CFAP46: variants seen among roughly 807,000 people sequenced by gnomAD.
The protein encoded by CFAP46 is cilia- and flagella-associated protein 46.
CFAP46 carries 245 observed loss-of-function variants against 325.7 expected under a neutral mutation model. The observed-to-expected ratio is 0.75, with a 90% confidence interval of 0.68 to 0.84. The LOEUF is 0.84. CFAP46 is among the 40% of genes least tolerant of loss of function. The pLI, the probability that CFAP46 is intolerant of heterozygous loss-of-function variation, is 0.00. For synonymous variants in CFAP46, 1,523 were observed against 1,495.9 expected, an observed-to-expected ratio of 1.02 and a Z score of -0.42; for missense variants, 3,346 against 3,543.0, an observed-to-expected ratio of 0.94 and a Z score of 1.41.
chr10:132,823,059 AGTGCTGATGT>A (rs1847916308), intron 50 of CFAP46, among the ~76,000 whole-genome samples: 2 of 65,220 alleles, frequency 3.1e-5, no homozygotes, highest in African/African-American at 1.3e-4. Context: ...GTGTGCTGTG[AGTGCTGATGT>A]GTGCTGTGTG....
rs115412018 is a variant in CFAP46 at position 132,906,080 on chromosome 10, T to C, written c.2924+2388A>G. Among the ~76,000 whole-genome samples, 553 of 152,304 alleles carry C rather than the reference T, an allele frequency of 3.6e-3. 7 individuals carry two copies. The highest frequency in any genetic ancestry group is 0.013 in the African/African-American group (536 of 41,566). On this transcript the variant is annotated intron_variant, in intron 22 of 57. Transcript: ENST00000368586. Reference sequence around the variant, plus strand: ...GTTTTGGAAGAAAGATCATTTGCAGTGAAAAGCCCGTCGATGTTGGCAAAG... The same window carrying C: ...GTTTTGGAAGAAAGATCATTTGCAGCGAAAAGCCCGTCGATGTTGGCAAAG...
At chr10:132,937,164 G>A (rs1305366618) in intron 6 of CFAP46, 109 bp from the exon 7 acceptor site, 1 of 610,442 alleles carries the variant, frequency 1.6e-6, no homozygotes, top group Non-Finnish European at 2.6e-6. Flanking sequence ...TAGCTTTTCA[G>A]ATACAACTTA....
intron 3 of CFAP46, 44 bp from the exon 4 acceptor site, chr10:132,941,104 C>T (rs747273091): frequency 1.5e-5 from 24 of 1,598,896 alleles, no homozygotes; most frequent in Non-Finnish European, 2.0e-5. Context: ...AATACTGACC[C>T]CTGCTCACTG....
At chr10:132,862,816 C>T (rs534118603) in intron 35 of CFAP46, among the ~76,000 whole-genome samples, 74 of 119,162 alleles carry the variant, frequency 6.2e-4, no homozygotes, top group African/African-American at 2.0e-3. Context: ...GGGGACGGGG[C>T]GGCCGGGCTG....
chr10:132,833,253 T>C, intron 50 of CFAP46, 105 bp downstream of exon 50: 2 of 1,152,628 alleles, frequency 1.7e-6, no homozygotes, highest in Non-Finnish European at 2.5e-6. Context: ...GTTGCAACAT[T>C]TGATGATTAT....
Position 132,899,571 on chromosome 10 carries a change from C to T in CFAP46, c.3020G>A (p.Arg1007Gln), listed in dbSNP as rs544766772. 7 of 1,549,548 alleles carry T rather than the reference C, an allele frequency of 4.5e-6. No homozygotes were observed. The Admixed American group carries it at 9.8e-5, about 22-fold the overall frequency. The stretch of plus-strand genomic sequence containing the variant: ...CGTGAAGGCCTTGGCTGCCACCAGT[C>T]GCAGCTGCTTCCGGCCCTTCAGGTT... ...MENLKGRKQL[R>Q]LVAAKAFTES... Residue 1007 changes from arginine to glutamine, a missense_variant, in exon 23 of 58, where the codon CGA becomes CAA. Physicochemically the swap from Arg to Gln is conservative, Grantham distance 43. Coordinates refer to ENST00000368586, the MANE Select transcript of CFAP46 (RefSeq NM_001200049.3).
rs1350076389 is a variant in CFAP46 at position 132,810,953 on chromosome 10, C to T, written c.7580G>A (p.Arg2527Lys). The T allele has an allele frequency of 6.3e-7, 1 of 1,597,536 alleles. No individual in the cohort carries two copies. The highest frequency in any genetic ancestry group is 8.5e-7 in the Non-Finnish European group (1 of 1,171,780). Reference protein sequence around the residue: ...LKRHMESVEHRRSVGRWEANW... With the variant: ...LKRHMESVEHKRSVGRWEANW... The stretch of plus-strand genomic sequence containing the variant: ...CCCGTTCCAGGCAGCCAGGCACCTC[C>T]TGTGCTCCACGCTCTCCATGTGCCT... Residue 2527 changes from arginine (R) to lysine (K), a missense_variant, in exon 56 of 58, where the codon AGG (arginine) becomes AAG (lysine). Arg to Lys is a conservative substitution (Grantham distance 26). Transcript: ENST00000368586.
rs530587945 is a variant in CFAP46, at chr10:132,832,600, G to C, written c.7117+758C>G. The C allele has an allele frequency of 4.2e-5, 15 of 355,674 alleles. No homozygotes were observed. Among genetic ancestry groups the C allele is most frequent in the African/African-American group, 3.2e-4 (15 of 47,046 alleles). The allele number at this position is 355,674 out of a possible 1,614,324, so 22.0% of individuals were successfully genotyped here. A position where few individuals can be genotyped will look rare whatever the true frequency, so the allele number is the denominator to read the frequency against. On this transcript the variant is annotated intron_variant, in intron 50 of 57. Coordinates refer to ENST00000368586, the MANE Select transcript of CFAP46 (RefSeq NM_001200049.3). The surrounding 1 kb of genome is among the most constrained non-coding windows in gnomAD (Gnocchi z 4.1). Reference sequence around the variant, plus strand: ...TGGTCCCTGTTACTTCATCTGAGATGGAAGCAAAAGTCCAATCGATTTATT... The same window carrying C: ...TGGTCCCTGTTACTTCATCTGAGATCGAAGCAAAAGTCCAATCGATTTATT...
At chr10:132,873,811 G>GCT (rs1380029787) in intron 31 of CFAP46, among the ~76,000 whole-genome samples, 1 of 152,066 alleles carries the variant, frequency 6.6e-6, no homozygotes, top group East Asian at 1.9e-4. Flanking sequence ...GGGTGACAGG[G>GCT]CTCTACAGGT....
intron 44 of CFAP46, 104 bp from the exon 45 acceptor site, chr10:132,837,018 G>C (rs1362212669): frequency 2.2e-6 from 2 of 912,216 alleles, no homozygotes; most frequent in Admixed American, 1.9e-5. Context: ...GCCACGGCGG[G>C]GGCTTTGTAC....
chr10:132,815,017 GA>G (rs368225406), intron 50 of CFAP46, 103 bp from the exon 51 acceptor site: 940 of 912,480 alleles, frequency 1.0e-3, no homozygotes, highest in Middle Eastern at 2.9e-3. Context: ...TCACTTAAAT[GA>G]AAAAAAAAAC....
At chr10:132,936,412 A>C (rs1252210808) in intron 7 of CFAP46, among the ~76,000 whole-genome samples, 1 of 67,962 alleles carries the variant, frequency 1.5e-5, no homozygotes, top group African/African-American at 6.3e-5. Context: ...ACATCCAAAC[A>C]CACTGTGATC....
intron 44 of CFAP46, among the ~76,000 whole-genome samples, chr10:132,840,708 G>GT (rs1270009562): frequency 1.3e-5 from 2 of 152,092 alleles, no homozygotes; most frequent in Non-Finnish European, 2.9e-5. Flanking sequence ...TTTGATCATC[G>GT]TAAGTAACTG....
chr10:132,862,248 C>A (rs914658730), intron 35 of CFAP46, among the ~76,000 whole-genome samples: 2 of 152,086 alleles, frequency 1.3e-5, no homozygotes, highest in African/African-American at 4.8e-5. Flanking sequence ...GTGGCTGGGC[C>A]CAGAGAGAAG....
At chr10:132,822,210 GCTGA>G (rs1847866517) in intron 50 of CFAP46, among the ~76,000 whole-genome samples, 1 of 137,806 alleles carries the variant, frequency 7.3e-6, no homozygotes. Flanking sequence ...CTGTGTGTGT[GCTGA>G]TGTGTGCTGT....
Position 132,922,222 on chromosome 10 carries a change from T to C in CFAP46, c.1488A>G (p.Ala496=). Residue 496 remains alanine, a splice_region_variant and synonymous_variant, in exon 13 of 58, where the codon GCA becomes GCG. Transcript: ENST00000368586. Reference sequence around the variant, plus strand: ...CGCTGTCCTTTGGTGTAGCTTTTTTTGCCTGTGAAAAGCAGAGACTGATGA... The same window carrying C: ...CGCTGTCCTTTGGTGTAGCTTTTTTCGCCTGTGAAAAGCAGAGACTGATGA... The part of the protein sequence containing the change: ...EDKAIMAVEQ[A]KKATPKDSVR... The C allele has an allele frequency of 6.5e-7, 1 of 1,549,188 alleles. No homozygotes were observed.
chr10:132,834,655 T>C lies in CFAP46; in HGVS notation c.6865A>G (p.Arg2289Gly). Residue 2289 changes from arginine (R) to glycine (G), a missense_variant and splice_region_variant, in exon 48 of 58, where the codon AGA (arginine) becomes GGA (glycine). Transcript: ENST00000368586. Reference sequence around the variant, plus strand: ...CAGCCTCAACGTCATCCCCAGTACCTGGCCTTGGAGAGGCTGAGCAGGGGG... The same window carrying C: ...CAGCCTCAACGTCATCCCCAGTACCCGGCCTTGGAGAGGCTGAGCAGGGGG... ...LFPLLSLSKA[R>G]VQTPAVVADS... is the part of the protein sequence containing the mutation. 6.2e-7 allele frequency: 1 copy of C among 1,613,214 alleles called. No individual in the cohort carries two copies. Among genetic ancestry groups the C allele is most frequent in the Non-Finnish European group, 8.5e-7 (1 of 1,179,890 alleles).
At chr10:132,911,572 C>T (rs138513848) in intron 19 of CFAP46, among the ~76,000 whole-genome samples, 2,728 of 152,328 alleles carry the variant, frequency 0.018, 40 homozygotes, top group South Asian at 0.057. Flanking sequence ...ATTAGGAAAC[C>T]GGCTTTCTCT....
chr10:132,907,012 G>A (rs1417871820), intron 22 of CFAP46, among the ~76,000 whole-genome samples: 4 of 152,260 alleles, frequency 2.6e-5, no homozygotes, highest in Non-Finnish European at 4.4e-5. Flanking sequence ...AGTTGCCGAC[G>A]TGAAAGGCAT....
Sources: gnomAD v4.1 joint callset for allele counts (sites outside exome capture counted in the v4.1 genomes callset) on GRCh38, gnomAD v4.1.1 for gene constraint, Gnocchi (gnomAD v3.1) non-coding constraint, MANE v1.5 for transcripts, NCBI Gene and HGNC (gene_info 2026-07-23, HGNC 2026-07-21) for gene names.